CECR2: variants seen among roughly 807,000 people sequenced by gnomAD.
CECR2 encodes chromatin remodeling regulator CECR2.
CECR2 carries 30 observed loss-of-function variants against 154.5 expected under a neutral mutation model. The ratio of observed to expected loss-of-function variants is 0.19; its 90% CI spans 0.15 to 0.26. The LOEUF is 0.26. Among genes scored for constraint, CECR2 ranks in the 10% least tolerant of loss-of-function variants. The pLI is 1.00. For synonymous variants in CECR2, 725 were observed against 683.7 expected, an observed-to-expected ratio of 1.06 and a Z score of -0.94; for missense variants, 1,743 against 1,829.3, an observed-to-expected ratio of 0.95 and a Z score of 0.86.
intron 1 of CECR2, among the ~76,000 whole-genome samples, chr22:17,430,837 A>G (rs940556137): frequency 1.3e-5 from 2 of 152,200 alleles, no homozygotes; most frequent in Non-Finnish European, 2.9e-5. Context: ...TACGTAAGTC[A>G]TAATAGTTAT....
At chr22:17,447,528 A>G (rs768799527) in intron 1 of CECR2, among the ~76,000 whole-genome samples, 5 of 152,152 alleles carry the variant, frequency 3.3e-5, no homozygotes, top group Non-Finnish European at 7.3e-5. Flanking sequence ...CCTGGGCAAC[A>G]GAGCAAGAAC....
chr22:17,525,608 T>TA (rs1339282739), intron 9 of CECR2, among the ~76,000 whole-genome samples: 6 of 151,792 alleles, frequency 4.0e-5, no homozygotes, highest in African/African-American at 9.7e-5. Context: ...TCTGTCTCAA[T>TA]AAAAAAAACA....
intron 2 of CECR2, among the ~76,000 whole-genome samples, chr22:17,486,268 G>A (rs1177086584): frequency 1.3e-5 from 2 of 152,252 alleles, no homozygotes; most frequent in African/African-American, 4.8e-5. Context: ...AACAAAACTG[G>A]TATAAGCCTG....
At chr22:17,387,945 TTTTTTTGTTTG>T (rs911126411) in intron 1 of CECR2, among the ~76,000 whole-genome samples, 2 of 152,106 alleles carry the variant, frequency 1.3e-5, no homozygotes, top group African/African-American at 4.8e-5. Flanking sequence ...TTTTGAGTTT[TTTTTTTGTTTG>T]TTTTTTGTTT....
intron 9 of CECR2, among the ~76,000 whole-genome samples, chr22:17,533,458 C>T (rs900820114): frequency 1.3e-5 from 2 of 151,794 alleles, no homozygotes; most frequent in African/African-American, 2.4e-5. Context: ...GATGAAACCC[C>T]GTCTCTACTA....
intron 1 of CECR2, among the ~76,000 whole-genome samples, chr22:17,468,677 AAAAAACCAGC>A (rs1299281788): frequency 2.0e-5 from 3 of 152,134 alleles, no homozygotes; most frequent in Admixed American, 2.0e-4. Context: ...CTGTCTCTCC[AAAAAACCAGC>A]AACCCCCCGC....
At chr22:17,532,958 T>G (rs1406947302) in intron 9 of CECR2, among the ~76,000 whole-genome samples, 1 of 151,678 alleles carries the variant, frequency 6.6e-6, no homozygotes, top group African/African-American at 2.4e-5. Context: ...TGACCTCAGG[T>G]GATCCACTGC....
At chr22:17,414,460 T>C (rs1210399567) in intron 1 of CECR2, among the ~76,000 whole-genome samples, 2 of 151,460 alleles carry the variant, frequency 1.3e-5, no homozygotes, top group Non-Finnish European at 2.9e-5. Context: ...TTTTTTCTTT[T>C]TTTTTTTTTT....
chr22:17,480,046 C>T (rs2055279933), intron 2 of CECR2, among the ~76,000 whole-genome samples: 1 of 152,098 alleles, frequency 6.6e-6, no homozygotes, highest in African/African-American at 2.4e-5. Flanking sequence ...AGGTGTGAGC[C>T]ACTGTGCCTT....
At chr22:17,364,362 A>AAAAAAAAAAAAAAAG (rs1491212019) in intron 1 of CECR2, among the ~76,000 whole-genome samples, 1 of 133,410 alleles carries the variant, frequency 7.5e-6, no homozygotes, top group African/African-American at 3.3e-5. Flanking sequence ...AAAAAAAAAA[A>AAAAAAAAAAAAAAAG]GAATTTGTGC....
chr22:17,512,954 T>G (rs969446816), intron 8 of CECR2, among the ~76,000 whole-genome samples: 4 of 152,064 alleles, frequency 2.6e-5, no homozygotes, highest in Admixed American at 6.6e-5. Context: ...GGGAAATGTT[T>G]AGGTCACATG....
intron 17 of CECR2, among the ~76,000 whole-genome samples, chr22:17,551,722 CAGAAGATTGAGGCT>C (rs533311229): frequency 1.7e-3 from 259 of 152,016 alleles, no homozygotes; most frequent in Non-Finnish European, 3.1e-3. Flanking sequence ...CACTTGAGCC[CAGAAGATTGAGGCT>C]GCAGTAAACC....
At chr22:17,488,879 C>T (rs2055473348) in intron 2 of CECR2, among the ~76,000 whole-genome samples, 1 of 152,172 alleles carries the variant, frequency 6.6e-6, no homozygotes, top group Non-Finnish European at 1.5e-5. Context: ...TTTCCAAACA[C>T]TTGCAACATT....
chr22:17,467,793 AAGAAAG>A (rs782212964), intron 1 of CECR2, among the ~76,000 whole-genome samples: 2 of 150,750 alleles, frequency 1.3e-5, no homozygotes, highest in East Asian at 1.9e-4. Context: ...AAAAAAAAGA[AAGAAAG>A]AGAGAGAGAG....
At chr22:17,483,403 A>G (rs888253858) in intron 2 of CECR2, among the ~76,000 whole-genome samples, 1 of 152,138 alleles carries the variant, frequency 6.6e-6, no homozygotes, top group Non-Finnish European at 1.5e-5. Flanking sequence ...CTACTAAAAA[A>G]TAAAAATAAA....
At chr22:17,512,760 A>G (rs1252086519) in intron 8 of CECR2, among the ~76,000 whole-genome samples, 3 of 151,664 alleles carry the variant, frequency 2.0e-5, no homozygotes, top group Non-Finnish European at 4.4e-5. Context: ...GTTTGTGGCA[A>G]GTTTGTTGTT....
intron 8 of CECR2, among the ~76,000 whole-genome samples, chr22:17,522,024 C>T (rs1166217548): frequency 6.6e-6 from 1 of 152,176 alleles, no homozygotes; most frequent in Non-Finnish European, 1.5e-5. Context: ...TTCCCTGTTA[C>T]TGGTTTTTGT....
intron 2 of CECR2, among the ~76,000 whole-genome samples, chr22:17,495,885 A>AG (rs2055618783): frequency 7.4e-6 from 1 of 135,578 alleles, no homozygotes; most frequent in African/African-American, 2.7e-5. Context: ...AAAAAAAAAA[A>AG]GGTATTTACA....
intron 1 of CECR2, among the ~76,000 whole-genome samples, chr22:17,372,110 C>A (rs543252083): frequency 5.1e-4 from 78 of 152,280 alleles, no homozygotes; most frequent in African/African-American, 1.8e-3. Flanking sequence ...GGCTAAAATA[C>A]ATGCTGTTTG....
Sources: allele counts gnomAD v4.1 joint callset (sites outside exome capture counted in the v4.1 genomes callset), GRCh38; gene constraint gnomAD v4.1.1; transcripts MANE v1.5; gene names NCBI Gene and HGNC (gene_info 2026-07-23, HGNC 2026-07-21).